FAM81A: variants seen among roughly 807,000 people sequenced by gnomAD.
FAM81A encodes family with sequence similarity 81 member A.
FAM81A carries 19 observed loss-of-function variants against 46.7 expected under a neutral mutation model. That is an observed-to-expected ratio of 0.41 (90% confidence interval 0.28 to 0.60). The LOEUF is 0.60. Among genes scored for constraint, FAM81A ranks in the 20% least tolerant of loss-of-function variants. The probability of loss-of-function intolerance (pLI) is 0.34; values close to 1 mark genes in which losing one functional copy is unlikely to be tolerated. For synonymous variants in FAM81A, 183 were observed against 152.9 expected (o/e 1.20, Z -1.45); for missense variants, 377 against 453.5 (o/e 0.83, Z 1.53).
chr15:59,464,342 G>C (rs2081587517), intron 3 of FAM81A, among the ~76,000 whole-genome samples: 1 of 152,200 alleles, frequency 6.6e-6, no homozygotes, highest in Non-Finnish European at 1.5e-5. Context: ...CCAGTAGTGG[G>C]ATTGCTGGAT....
intron 1 of FAM81A, among the ~76,000 whole-genome samples, chr15:59,449,711 A>G (rs955401756): frequency 1.8e-3 from 236 of 131,600 alleles, no homozygotes; most frequent in Non-Finnish European, 2.7e-3. Context: ...GAACCCGGGA[A>G]GCGGAGCTTG....
intron 2 of FAM81A, among the ~76,000 whole-genome samples, chr15:59,417,409 A>AAAC (rs2081151443): frequency 6.8e-6 from 1 of 146,308 alleles, no homozygotes; most frequent in Non-Finnish European, 1.5e-5. Flanking sequence ...AACAAACAAA[A>AAAC]AAACAAGCTT....
intron 8 of FAM81A, among the ~76,000 whole-genome samples, chr15:59,517,160 C>G (rs1215452141): frequency 6.6e-6 from 1 of 152,148 alleles, no homozygotes; most frequent in African/African-American, 2.4e-5. Flanking sequence ...CAGAAGGAAG[C>G]ACATATCTTT....
intron 3 of FAM81A, among the ~76,000 whole-genome samples, chr15:59,476,380 G>A (rs1268841537): frequency 7.2e-5 from 11 of 151,984 alleles, no homozygotes; most frequent in South Asian, 2.1e-4. Context: ...GAGCCACCAC[G>A]CTTGGTGAAC....
intron 1 of FAM81A, among the ~76,000 whole-genome samples, chr15:59,439,662 A>G (rs1434543903): frequency 6.7e-6 from 1 of 148,388 alleles, no homozygotes; most frequent in Admixed American, 6.7e-5. Context: ...TCCAATGCTA[A>G]TGAATAAGCT....
In FAM81A at chr15:59,521,455, C is replaced by G; in HGVS notation, c.*77C>G. 5 of 1,494,130 alleles carry G rather than the reference C, an allele frequency of 3.3e-6. No homozygotes were observed. The highest frequency in any genetic ancestry group is 2.6e-5 in the South Asian group (2 of 76,178). The allele number at this position is 1,494,130 out of a possible 1,614,324, so 92.6% of individuals were successfully genotyped here. A position where few individuals can be genotyped will look rare whatever the true frequency, so the allele number is the denominator to read the frequency against. The stretch of plus-strand genomic sequence containing the variant: ...CCGGATACCTCTGTAGCCAGGCCAT[C>G]GCTGCATTCAGGATTGTTCCATCCA... On this transcript the variant is annotated 3_prime_UTR_variant, in exon 9 of 9. Transcript: ENST00000288228.
intron 1 of FAM81A, among the ~76,000 whole-genome samples, chr15:59,442,176 G>A (rs1230115557): frequency 6.6e-6 from 1 of 152,084 alleles, no homozygotes; most frequent in Admixed American, 6.5e-5. Context: ...TATATTTTGG[G>A]CCCTGAGCTG....
At chr15:59,398,613 T>C (rs1465631265) in intron 1 of FAM81A, among the ~76,000 whole-genome samples, 2 of 148,050 alleles carry the variant, frequency 1.4e-5, no homozygotes, top group African/African-American at 4.9e-5. Context: ...AGAAAATTAT[T>C]GGGGATTGGT....
At chr15:59,497,074 G>C (rs772858747) in intron 4 of FAM81A, among the ~76,000 whole-genome samples, 12 of 150,964 alleles carry the variant, frequency 7.9e-5, no homozygotes, top group Non-Finnish European at 1.5e-4. Context: ...AGCCGGGATT[G>C]TGCCACTGCA....
chr15:59,481,217 C>G (rs1293356600), intron 3 of FAM81A, among the ~76,000 whole-genome samples: 1 of 152,122 alleles, frequency 6.6e-6, no homozygotes, highest in Non-Finnish European at 1.5e-5. Flanking sequence ...AGGCTAGTCT[C>G]AAACTCCTGG....
chr15:59,493,802 G>A (rs2082006084), intron 4 of FAM81A, among the ~76,000 whole-genome samples: 2 of 152,166 alleles, frequency 1.3e-5, no homozygotes, highest in South Asian at 4.1e-4. Context: ...TGGCCAGGCT[G>A]GCTTCTAACT....
At chr15:59,411,615 G>A (rs780604730) in intron 2 of FAM81A, among the ~76,000 whole-genome samples, 17 of 152,100 alleles carry the variant, frequency 1.1e-4, no homozygotes, top group Non-Finnish European at 2.4e-4. Flanking sequence ...TCCACCAGGA[G>A]GAAGAAAATA....
chr15:59,516,903 A>G (rs1263590120), intron 8 of FAM81A, 63 bp downstream of exon 8: 1 of 1,427,108 alleles, frequency 7.0e-7, no homozygotes, highest in Non-Finnish European at 9.3e-7. Context: ...CCTATTAATT[A>G]GTATCCCCTG....
intron 1 of FAM81A, chr15:59,438,586 T>C (rs1345694867): frequency 6.6e-6 from 1 of 151,906 alleles, no homozygotes. Flanking sequence ...TTGCCAGGGG[T>C]AAAGGCGAGT....
chr15:59,475,437 T>A (rs1364211584), intron 3 of FAM81A, among the ~76,000 whole-genome samples: 2 of 152,206 alleles, frequency 1.3e-5, no homozygotes, highest in Non-Finnish European at 2.9e-5. Context: ...TGAGCCACCA[T>A]GCCTGGCCTA....
chr15:59,492,761 A>G (rs1466645889), intron 4 of FAM81A, among the ~76,000 whole-genome samples: 1 of 152,136 alleles, frequency 6.6e-6, no homozygotes, highest in Non-Finnish European at 1.5e-5. Flanking sequence ...TTATTTTCGG[A>G]AAGTATTGGT....
chr15:59,481,532 T>A (rs1252834996), intron 3 of FAM81A, among the ~76,000 whole-genome samples: 1 of 152,120 alleles, frequency 6.6e-6, no homozygotes, highest in Non-Finnish European at 1.5e-5. Context: ...ACAGCTGGAA[T>A]CATGCTCCAT....
chr15:59,447,866 T>C (rs530777238), intron 1 of FAM81A, among the ~76,000 whole-genome samples: 1 of 152,234 alleles, frequency 6.6e-6, no homozygotes, highest in African/African-American at 2.4e-5. Flanking sequence ...GGAGGAGGCC[T>C]CAGATACAGG....
chr15:59,499,217 A>G (rs1428755477), intron 4 of FAM81A, among the ~76,000 whole-genome samples: 1 of 152,214 alleles, frequency 6.6e-6, no homozygotes, highest in African/African-American at 2.4e-5. Context: ...GTCATGATAT[A>G]TAATCCTTTT....
Sources: gnomAD v4.1 joint callset for allele counts (sites outside exome capture counted in the v4.1 genomes callset) on GRCh38, gnomAD v4.1.1 for gene constraint, MANE v1.5 for transcripts, NCBI Gene and HGNC (gene_info 2026-07-23, HGNC 2026-07-21) for gene names.